The following MEI1 variants were observed in gnomAD, a reference collection of about 807,000 sequenced individuals.
MEI1 encodes the protein meiotic double-stranded break formation protein 1, also known as meiosis inhibitor protein 1.
In MEI1, 103 loss-of-function variants were observed where a neutral mutation model predicts 146.2. That is an observed-to-expected ratio of 0.70 (90% CI 0.60 to 0.83). The LOEUF is 0.83. MEI1 is among the 40% of genes least tolerant of loss of function. The probability of loss-of-function intolerance (pLI) is 0.00; values close to 1 mark genes in which losing one functional copy is unlikely to be tolerated. For missense variants in MEI1, 1,529 were observed against 1,533.0 expected, an observed-to-expected ratio of 1.00 and a Z score of 0.04; for synonymous variants, 652 against 628.2, an observed-to-expected ratio of 1.04 and a Z score of -0.57.
chr22:41,716,196 C>T (rs767799725), intron 5 of MEI1, 50 bp downstream of exon 5: 5 of 1,287,736 alleles, frequency 3.9e-6, no homozygotes, highest in South Asian at 1.3e-5. Context: ...CTGCTTTTAT[C>T]ATACTGCCAT....
chr22:41,708,346 T>C (rs1338925222), intron 3 of MEI1, among the ~76,000 whole-genome samples: 2 of 152,172 alleles, frequency 1.3e-5, no homozygotes, highest in Non-Finnish European at 2.9e-5. Context: ...GGGTCTCAAC[T>C]GGTCAGGGTT....
rs1258530409 is a variant in MEI1 at position 41,795,374 on chromosome 22, A to G, written c.3535-37A>G. ...TTGTCTATGATGAAGGAGATGCCAA[A>G]TCACTGGGTGTTTGGGGGTTTCTCT... On this transcript the variant is annotated intron_variant, in intron 28 of 30. Transcript: ENST00000401548. The surrounding 1 kb of genome is among the most constrained non-coding windows in gnomAD (Gnocchi z 4.2). 1.2e-6 allele frequency: 2 copies of G among 1,610,716 alleles called. No individual in the cohort carries two copies. Among genetic ancestry groups the G allele is most frequent in the African/African-American group, 2.7e-5 (2 of 74,860 alleles).
At chr22:41,716,622 T>C (rs1006433775) in intron 5 of MEI1, among the ~76,000 whole-genome samples, 24 of 151,560 alleles carry the variant, frequency 1.6e-4, no homozygotes, top group Admixed American at 7.2e-4. Flanking sequence ...GTGATCCGCC[T>C]GCCTCAGCCT....
At chr22:41,766,516 TTTTC>T (rs1239619761) in intron 19 of MEI1, among the ~76,000 whole-genome samples, 2 of 151,596 alleles carry the variant, frequency 1.3e-5, no homozygotes, top group African/African-American at 2.4e-5. Context: ...TGTATGGACG[TTTTC>T]TTTCTTTTTA....
intron 8 of MEI1, among the ~76,000 whole-genome samples, chr22:41,730,301 G>A (rs2071741922): frequency 6.6e-6 from 1 of 152,152 alleles, no homozygotes; most frequent in Non-Finnish European, 1.5e-5. Flanking sequence ...TCTTCTCTGG[G>A]ACTCAGTTTC....
chr22:41,752,390 G>C (rs2073817893), intron 15 of MEI1: 1 of 582,916 alleles, frequency 1.7e-6, no homozygotes, highest in Non-Finnish European at 3.1e-6. Flanking sequence ...ACAACACCCT[G>C]TGAGGTACAA....
intron 19 of MEI1, among the ~76,000 whole-genome samples, chr22:41,764,163 T>C (rs1426379061): frequency 6.6e-6 from 1 of 152,130 alleles, no homozygotes; most frequent in Non-Finnish European, 1.5e-5. Flanking sequence ...GGTTTCATCC[T>C]GTTAGCCAGG....
chr22:41,724,457 A>C (rs1424331583), intron 7 of MEI1, among the ~76,000 whole-genome samples: 1 of 152,048 alleles, frequency 6.6e-6, no homozygotes, highest in East Asian at 1.9e-4. Flanking sequence ...ATCTCTACTA[A>C]AAATACAAAC....
intron 2 of MEI1, among the ~76,000 whole-genome samples, chr22:41,704,788 C>T (rs1157003206): frequency 6.6e-6 from 1 of 152,066 alleles, no homozygotes; most frequent in African/African-American, 2.4e-5. Context: ...GATCTTGGCT[C>T]ACTTCAAGCT....
chr22:41,699,937 G>A (rs1569127289), intron 1 of MEI1, among the ~76,000 whole-genome samples: 1 of 152,236 alleles, frequency 6.6e-6, no homozygotes, highest in Non-Finnish European at 1.5e-5. Context: ...CCGGTCCACT[G>A]GCTCTGCGCC....
At chr22:41,718,577 C>T (rs1022593984) in intron 6 of MEI1, among the ~76,000 whole-genome samples, 2 of 152,218 alleles carry the variant, frequency 1.3e-5, no homozygotes, top group Non-Finnish European at 1.5e-5. Context: ...GTATAGCTCA[C>T]GTCCTGTCAC....
At chr22:41,700,753 T>A (rs1476647988) in intron 1 of MEI1, among the ~76,000 whole-genome samples, 12 of 17,972 alleles carry the variant, frequency 6.7e-4, no homozygotes, top group Admixed American at 1.5e-3. Flanking sequence ...TTCTCAATTT[T>A]TTTTTTTTTT....
At position 41,714,039 on chromosome 22, in the gene MEI1, G is replaced by C. The variant is rs747000026; in HGVS notation, c.387G>C (p.Gln129His). Reference protein sequence around the residue: ...IQITTQLKLEQTIRCLLDECH... With the variant: ...IQITTQLKLEHTIRCLLDECH... ...TCACAACGCAGCTGAAGCTGGAGCA[G>C]ACTATCCGTTGCCTGCTGGATGAGT... is the stretch of plus-strand genomic sequence containing the variant. Residue 129 changes from glutamine (Q) to histidine (H), a missense_variant, in exon 4 of 31, where the codon CAG becomes CAC. By Grantham distance (24) the Gln-to-His change is conservative. This residue lies in a region of MEI1 where 1,212 missense variants were observed against 1,178.9 expected (regional missense o/e 1.03). Coordinates refer to ENST00000401548, the MANE Select transcript of MEI1 (RefSeq NM_152513.4). The C allele has an allele frequency of 1.9e-6, 3 of 1,600,654 alleles. No homozygotes were observed. Among genetic ancestry groups the C allele is most frequent in the Non-Finnish European group, 1.7e-6 (2 of 1,173,574 alleles).
chr22:41,755,098 A>G (rs189241778), intron 17 of MEI1, among the ~76,000 whole-genome samples: 1 of 152,272 alleles, frequency 6.6e-6, no homozygotes, highest in Non-Finnish European at 1.5e-5. Context: ...AGCTTCTGCT[A>G]CCTGCCAGGG....
chr22:41,752,440 C>A, intron 15 of MEI1, 151 bp from the exon 16 acceptor site: 1 of 675,060 alleles, frequency 1.5e-6, no homozygotes, highest in African/African-American at 1.8e-5. Flanking sequence ...AAAACTTTTC[C>A]GGAGTGAAAC....
At chr22:41,701,411 A>T (rs1464077040) in intron 1 of MEI1, among the ~76,000 whole-genome samples, 1 of 152,106 alleles carries the variant, frequency 6.6e-6, no homozygotes, top group Non-Finnish European at 1.5e-5. Flanking sequence ...TGGTTGGATC[A>T]CGAGGCCAGA....
intron 26 of MEI1, among the ~76,000 whole-genome samples, chr22:41,789,440 A>G (rs2148218827): frequency 6.6e-6 from 1 of 152,360 alleles, no homozygotes; most frequent in African/African-American, 2.4e-5. Flanking sequence ...CTAGGATTAC[A>G]GGTGTGAGTC....
At chr22:41,701,026 G>A (rs1477629089) in intron 1 of MEI1, among the ~76,000 whole-genome samples, 1 of 147,546 alleles carries the variant, frequency 6.8e-6, no homozygotes, top group Non-Finnish European at 1.5e-5. Context: ...CGCAACCTCC[G>A]CCTCCCGGGT....
chr22:41,760,320 A>T (rs188994674), intron 18 of MEI1, among the ~76,000 whole-genome samples: 11 of 150,360 alleles, frequency 7.3e-5, no homozygotes, highest in East Asian at 1.9e-4. Context: ...AAAAAAAAAT[A>T]AAAAAAAGAA....
Sources: allele counts gnomAD v4.1 joint callset (sites outside exome capture counted in the v4.1 genomes callset), GRCh38; gene constraint gnomAD v4.1.1; regional missense constraint gnomAD v4.1.1; non-coding constraint Gnocchi (gnomAD v3.1); transcripts MANE v1.5; gene names NCBI Gene and HGNC (gene_info 2026-07-23, HGNC 2026-07-21).